The following CSTPP1 variants were observed in gnomAD, a reference collection of about 807,000 sequenced individuals.
CSTPP1 encodes the protein UPF0705 protein C11orf49.
chr11:47,033,778 T>C, the CSTPP1 span, among the ~76,000 whole-genome samples: 1 of 152,206 alleles, frequency 6.6e-6, no homozygotes, highest in African/African-American at 2.4e-5. Context: ...TTCCATAGCG[T>C]TGACAGTCCT....
At chr11:47,151,414 C>G in the CSTPP1 span, among the ~76,000 whole-genome samples, 1 of 146,428 alleles carries the variant, frequency 6.8e-6, no homozygotes, top group African/African-American at 2.5e-5. Flanking sequence ...AAAAAAAAAG[C>G]AAGAGGAGTA....
the CSTPP1 span, chr11:47,162,007 T>G: frequency 9.8e-7 from 1 of 1,016,044 alleles, no homozygotes; most frequent in Non-Finnish European, 1.2e-6. Flanking sequence ...GCAACTCCAT[T>G]AAGGGGGAGA....
chr11:47,011,345 T>C, the CSTPP1 span, among the ~76,000 whole-genome samples: 2 of 152,234 alleles, frequency 1.3e-5, no homozygotes, highest in African/African-American at 4.8e-5. Flanking sequence ...AGAATTTGGG[T>C]ATCCAGATTA....
the CSTPP1 span, among the ~76,000 whole-genome samples, chr11:47,083,312 CCATT>C: frequency 6.6e-6 from 1 of 152,126 alleles, no homozygotes; most frequent in Non-Finnish European, 1.5e-5. Flanking sequence ...AAATAATATT[CCATT>C]GTATGATTAT....
chr11:47,141,697 G>C, the CSTPP1 span, among the ~76,000 whole-genome samples: 3 of 152,000 alleles, frequency 2.0e-5, no homozygotes, highest in Admixed American at 6.6e-5. Flanking sequence ...ACTTTGGAAG[G>C]CTGAAGCAGG....
the CSTPP1 span, among the ~76,000 whole-genome samples, chr11:46,999,628 A>G: frequency 2.0e-5 from 3 of 152,312 alleles, no homozygotes; most frequent in African/African-American, 7.2e-5. Flanking sequence ...TGCCATTTAA[A>G]TGTTTAATAT....
At chr11:47,137,522 A>G in the CSTPP1 span, 2 of 1,546,982 alleles carry the variant, frequency 1.3e-6, no homozygotes, top group South Asian at 1.2e-5. Context: ...TACCCTTCAC[A>G]CTGACTTGCT....
At chr11:46,995,080 T>G in the CSTPP1 span, among the ~76,000 whole-genome samples, 2 of 152,218 alleles carry the variant, frequency 1.3e-5, no homozygotes, top group Non-Finnish European at 2.9e-5. Flanking sequence ...GTTTATAGCA[T>G]TCTCTGATGG....
the CSTPP1 span, among the ~76,000 whole-genome samples, chr11:46,943,915 G>A: frequency 6.6e-6 from 1 of 152,222 alleles, no homozygotes; most frequent in South Asian, 2.1e-4. Flanking sequence ...CAGTTACTCA[G>A]GAGGCGGAGG....
chr11:46,992,512 G>A, the CSTPP1 span, among the ~76,000 whole-genome samples: 1 of 151,584 alleles, frequency 6.6e-6, no homozygotes, highest in African/African-American at 2.4e-5. Context: ...CCTTGTGACA[G>A]TTTGCTCAGA....
chr11:46,999,590 A>C, the CSTPP1 span, among the ~76,000 whole-genome samples: 1 of 152,202 alleles, frequency 6.6e-6, no homozygotes, highest in African/African-American at 2.4e-5. Flanking sequence ...AGCTTATCAC[A>C]CAGCCTTAGC....
At chr11:47,011,731 C>A in the CSTPP1 span, among the ~76,000 whole-genome samples, 2 of 152,218 alleles carry the variant, frequency 1.3e-5, no homozygotes, top group East Asian at 3.9e-4. Flanking sequence ...TTATTAATGC[C>A]CTAATTGGCA....
chr11:47,061,287 A>C, the CSTPP1 span, among the ~76,000 whole-genome samples: 1 of 152,206 alleles, frequency 6.6e-6, no homozygotes, highest in Non-Finnish European at 1.5e-5. Flanking sequence ...TATAGAGCTT[A>C]CATTCTAGGA....
At chr11:47,068,202 A>T in the CSTPP1 span, among the ~76,000 whole-genome samples, 5 of 152,142 alleles carry the variant, frequency 3.3e-5, no homozygotes, top group African/African-American at 1.2e-4. Context: ...CCAATGTAAT[A>T]TTTTTTAAAA....
At chr11:47,101,198 T>TTTTTTTTG in the CSTPP1 span, among the ~76,000 whole-genome samples, 2 of 138,520 alleles carry the variant, frequency 1.4e-5, no homozygotes, top group South Asian at 2.4e-4. Context: ...TTATTTTATT[T>TTTTTTTTG]TTAGTAGAGA....
the CSTPP1 span, among the ~76,000 whole-genome samples, chr11:47,078,867 A>G: frequency 1.1e-3 from 165 of 152,306 alleles, no homozygotes; most frequent in Middle Eastern, 0.01. Context: ...GACTAAAATG[A>G]TTATCCAGTA....
the CSTPP1 span, among the ~76,000 whole-genome samples, chr11:47,068,400 C>T: frequency 2.0e-5 from 3 of 151,812 alleles, no homozygotes; most frequent in Non-Finnish European, 2.9e-5. Flanking sequence ...AGCACGGTGG[C>T]GCGCGCCTGT....
the CSTPP1 span, among the ~76,000 whole-genome samples, chr11:47,012,665 G>C: frequency 3.3e-5 from 5 of 152,100 alleles, no homozygotes; most frequent in South Asian, 1.0e-3. Flanking sequence ...AATAATGATA[G>C]GAATTGGCTG....
the CSTPP1 span, among the ~76,000 whole-genome samples, chr11:46,962,898 G>A: frequency 1.3e-5 from 2 of 152,056 alleles, no homozygotes; most frequent in South Asian, 2.1e-4. Flanking sequence ...AGGCTGCAGG[G>A]AGCCGTGTTC....
Sources: allele counts gnomAD v4.1 joint callset (sites outside exome capture counted in the v4.1 genomes callset), GRCh38; gene constraint gnomAD v4.1.1; transcripts MANE v1.5; gene names NCBI Gene and HGNC (gene_info 2026-07-23, HGNC 2026-07-21).